SMYD3: variants seen among roughly 807,000 people sequenced by gnomAD.
SMYD3 encodes SET and MYND domain containing 3.
Under a neutral mutation model 57.7 loss-of-function variants are expected in SMYD3, and 36 were observed. That is an observed-to-expected ratio of 0.62 (90% CI 0.48 to 0.82). SMYD3 has a LOEUF of 0.82. Among genes scored for constraint, SMYD3 ranks in the 40% least tolerant of loss-of-function variants. SMYD3 has a pLI of 0.00. For missense variants in SMYD3, 515 were observed against 538.8 expected (o/e 0.96, Z 0.44); for synonymous variants, 211 against 195.0 (o/e 1.08, Z -0.68).
At chr1:245,853,507 G>A (rs1041652980) in intron 10 of SMYD3, among the ~76,000 whole-genome samples, 1 of 152,198 alleles carries the variant, frequency 6.6e-6, no homozygotes, top group Non-Finnish European at 1.5e-5. Flanking sequence ...CAAGCGCTGG[G>A]CGCGTGGCTG....
chr1:245,815,306 A>G (rs898637581), intron 10 of SMYD3, among the ~76,000 whole-genome samples: 13 of 152,236 alleles, frequency 8.5e-5, no homozygotes, highest in African/African-American at 2.2e-4. Context: ...TTAACTCAAC[A>G]CGAAGGAGTC....
At chr1:246,176,995 GA>G (rs1279963388) in intron 5 of SMYD3, among the ~76,000 whole-genome samples, 1 of 152,178 alleles carries the variant, frequency 6.6e-6, no homozygotes, top group African/African-American at 2.4e-5. Context: ...AAAAGGAAAA[GA>G]AACTTTAAAT....
At chr1:246,250,446 A>T (rs2063781061) in intron 5 of SMYD3, among the ~76,000 whole-genome samples, 1 of 152,228 alleles carries the variant, frequency 6.6e-6, no homozygotes, top group Non-Finnish European at 1.5e-5. Context: ...CTAGAAATAA[A>T]TCTTCACCAG....
intron 5 of SMYD3, among the ~76,000 whole-genome samples, chr1:246,182,315 TAATCTTC>T (rs1415591184): frequency 4.6e-5 from 7 of 152,154 alleles, no homozygotes; most frequent in Admixed American, 4.6e-4. Flanking sequence ...TCACTCCACT[TAATCTTC>T]CCATCTCTCG....
intron 10 of SMYD3, among the ~76,000 whole-genome samples, chr1:245,801,551 T>C (rs1558355805): frequency 6.6e-6 from 1 of 152,236 alleles, no homozygotes; most frequent in Non-Finnish European, 1.5e-5. Context: ...GCTCTTATAA[T>C]CTTGGCCATG....
At chr1:246,303,725 C>T (rs2064934215) in intron 5 of SMYD3, among the ~76,000 whole-genome samples, 1 of 152,098 alleles carries the variant, frequency 6.6e-6, no homozygotes, top group African/African-American at 2.4e-5. Flanking sequence ...ATAGGAAGCC[C>T]TCAATAAATA....
intron 10 of SMYD3, among the ~76,000 whole-genome samples, chr1:245,775,227 G>C (rs1376883388): frequency 6.6e-6 from 1 of 152,200 alleles, no homozygotes; most frequent in Non-Finnish European, 1.5e-5. Flanking sequence ...TACGCAGCAG[G>C]TCATTGAGAA....
rs111308786 is a variant in SMYD3 at position 245,878,887 on chromosome 1, C to T, written c.814-15001G>A. On this transcript the variant is annotated intron_variant, in intron 8 of 11. Coordinates refer to ENST00000490107, the MANE Select transcript of SMYD3 (RefSeq NM_001167740.2). ...TGTGAGTGTAAACAAACATGGGTTC[C>T]GGCAGAGAAAGAAGGGAAGCTGCCT... Among the ~76,000 whole-genome samples, 13 of 152,262 alleles carry T rather than the reference C, an allele frequency of 8.5e-5. 1 individual carries two copies. Among genetic ancestry groups the T allele is most frequent in the African/African-American group, 2.4e-4 (10 of 41,532 alleles).
At chr1:246,008,438 T>C (rs536174281) in intron 5 of SMYD3, among the ~76,000 whole-genome samples, 2 of 152,238 alleles carry the variant, frequency 1.3e-5, no homozygotes, top group Non-Finnish European at 2.9e-5. Flanking sequence ...CCTGAGTTTC[T>C]GGGAGGTGAT....
rs924612601 is a variant in SMYD3, at chr1:245,922,845, TC to T, written c.702+5085del. ...TCCCAGTTTAAACCTTACATTTTCT[TC>T]CATAAAATAAAAAAAATGAATATGT... On this transcript the variant is annotated intron_variant, in intron 7 of 11. Transcript: ENST00000490107. 6.2e-4 allele frequency among the ~76,000 whole-genome samples: 95 copies of T among 152,278 alleles called. 2 individuals carry two copies. Among genetic ancestry groups the T allele is most frequent in the African/African-American group, 2.2e-3 (93 of 41,566 alleles).
intron 5 of SMYD3, among the ~76,000 whole-genome samples, chr1:246,192,678 G>A (rs1381006560): frequency 1.3e-5 from 2 of 152,068 alleles, no homozygotes; most frequent in African/African-American, 4.8e-5. Context: ...ACTTTAAAAG[G>A]GTTAAGGGAA....
At chr1:246,109,130 C>T (rs2061182544) in intron 5 of SMYD3, among the ~76,000 whole-genome samples, 3 of 152,132 alleles carry the variant, frequency 2.0e-5, no homozygotes, top group African/African-American at 7.2e-5. Flanking sequence ...CAGAACCTAT[C>T]ACAATGAATG....
chr1:245,981,613 G>C (rs977535495), intron 5 of SMYD3, among the ~76,000 whole-genome samples: 2 of 151,990 alleles, frequency 1.3e-5, no homozygotes, highest in African/African-American at 4.8e-5. Flanking sequence ...AAGGTACCAA[G>C]TGAAAAAAAG....
chr1:245,994,467 G>A (rs1422081841), intron 5 of SMYD3, among the ~76,000 whole-genome samples: 1 of 152,180 alleles, frequency 6.6e-6, no homozygotes, highest in Non-Finnish European at 1.5e-5. Flanking sequence ...GACGCTGTGA[G>A]AGTTACTCTC....
chr1:246,483,803 G>T (rs1291921671), intron 1 of SMYD3: 2 of 152,164 alleles, frequency 1.3e-5, no homozygotes, highest in African/African-American at 4.8e-5. Context: ...TCCAATAAAA[G>T]GAGAGCAAAT....
chr1:246,289,320 A>G (rs532978505), intron 5 of SMYD3, among the ~76,000 whole-genome samples: 1 of 152,316 alleles, frequency 6.6e-6, no homozygotes, highest in African/African-American at 2.4e-5. Context: ...ATAGTGTGAA[A>G]CTACAACGTT....
At chr1:245,936,472 A>G (rs764183030) in intron 5 of SMYD3, among the ~76,000 whole-genome samples, 1 of 152,218 alleles carries the variant, frequency 6.6e-6, no homozygotes, top group African/African-American at 2.4e-5. Flanking sequence ...ATCGAGAAAA[A>G]GAACATAGAA....
chr1:246,117,052 T>C (rs1467345383), intron 5 of SMYD3, among the ~76,000 whole-genome samples: 1 of 152,198 alleles, frequency 6.6e-6, no homozygotes, highest in Non-Finnish European at 1.5e-5. Flanking sequence ...TCTGCTTTTC[T>C]ATAAACACAT....
Position 246,326,459 on chromosome 1 carries a change from G to A in SMYD3, c.531+742C>T. On this transcript the variant is annotated intron_variant, in intron 5 of 11. Coordinates refer to ENST00000490107, the MANE Select transcript of SMYD3 (RefSeq NM_001167740.2). ...CTCCCTAGGCCAAGATAAACCCTCG[G>A]AATCATTTAAAAAAAAAAAAAATAC... The A allele has an allele frequency of 4.7e-6, 3 of 634,320 alleles. No individual in the cohort carries two copies. The South Asian group carries it at 5.3e-5, about 11-fold the overall frequency. 39.3% of individuals were successfully genotyped at this position (634,320 alleles called of 1,614,324 possible). A position where few individuals can be genotyped will look rare whatever the true frequency, so the allele number is the denominator to read the frequency against.
Sources: gnomAD v4.1 joint callset for allele counts (sites outside exome capture counted in the v4.1 genomes callset) on GRCh38, gnomAD v4.1.1 for gene constraint, MANE v1.5 for transcripts, NCBI Gene and HGNC (gene_info 2026-07-23, HGNC 2026-07-21) for gene names.